Variants in KNDC1 observed in about 807,000 individuals in gnomAD.
KNDC1 encodes the protein kinase non-catalytic C-lobe domain containing 1, also known as kinase non-catalytic C-lobe domain-containing protein 1.
Under a neutral mutation model 172.8 loss-of-function variants are expected in KNDC1, and 106 were observed. The ratio of observed to expected loss-of-function variants is 0.61; its 90% CI spans 0.52 to 0.72. The LOEUF (loss-of-function observed/expected upper bound fraction) is 0.72. KNDC1 is among the 30% of genes least tolerant of loss of function. The probability of loss-of-function intolerance (pLI) is 0.00; values close to 1 mark genes in which losing one functional copy is unlikely to be tolerated. For missense variants in KNDC1, 2,325 were observed against 2,394.5 expected (o/e 0.97, Z 0.61); for synonymous variants, 1,083 against 1,062.2 (o/e 1.02, Z -0.38).
intron 20 of KNDC1, 72 bp from the exon 21 acceptor site, chr10:133,210,539 A>C: frequency 1.1e-6 from 1 of 871,524 alleles, no homozygotes. Context: ...GTCACACCCC[A>C]CCACCGAACA....
chr10:133,223,271 A>ATGTG (rs375654196), intron 29 of KNDC1, among the ~76,000 whole-genome samples: 1 of 21,788 alleles, frequency 4.6e-5, no homozygotes, highest in African/African-American at 1.2e-4. Context: ...TCTTCTCGGC[A>ATGTG]TGTGTGTGTG....
chr10:133,193,641 G>A (rs1049296033), intron 9 of KNDC1, among the ~76,000 whole-genome samples: 13 of 152,198 alleles, frequency 8.5e-5, no homozygotes, highest in African/African-American at 2.7e-4. Context: ...ACAGAGTAAT[G>A]TTTAGAAACA....
rs1854024525 is a variant in KNDC1, at chr10:133,189,679, T to C, written c.1513+10T>C. 1.2e-6 allele frequency: 2 copies of C among 1,613,858 alleles called. No individual in the cohort carries two copies. Among genetic ancestry groups the C allele is most frequent in the Admixed American group, 3.3e-5 (2 of 60,000 alleles). ...CCACCCCCTGCCAACGGTGAGTGTG[T>C]GGGTTCCCCTCAGGCCGAGTCCAGC... is the stretch of plus-strand genomic sequence containing the variant. On this transcript the variant is annotated intron_variant, in intron 8 of 29. Transcript: ENST00000304613.
Position 133,212,900 on chromosome 10 carries a change from G to C in KNDC1, c.4421G>C (p.Ser1474Thr). The C allele has an allele frequency of 6.2e-7, 1 of 1,613,150 alleles. No homozygotes were observed. The highest frequency in any genetic ancestry group is 1.1e-5 in the South Asian group (1 of 91,066). ...LTEYSTHQLF[S>T]QLTLLQQELF... The stretch of plus-strand genomic sequence containing the variant: ...GAGTACAGCACTCACCAGCTCTTCA[G>C]CCAGCTCACGCTGCTACAGCAGGTG... The change falls in exon 24 of 30, where the codon AGC (serine) becomes ACC (threonine). Residue 1474 changes from serine (S) to threonine (T), a missense_variant. Coordinates refer to ENST00000304613, the MANE Select transcript of KNDC1 (RefSeq NM_152643.8).
chr10:133,177,542 T>C (rs1853577294), intron 3 of KNDC1, among the ~76,000 whole-genome samples: 1 of 150,726 alleles, frequency 6.6e-6, no homozygotes, highest in Non-Finnish European at 1.5e-5. Context: ...ATAGTGTGTG[T>C]CATGAGCACG....
chr10:133,184,396 GCA>G (rs1002646850), intron 5 of KNDC1, among the ~76,000 whole-genome samples: 82 of 69,688 alleles, frequency 1.2e-3, no homozygotes, highest in African/African-American at 3.3e-3. Flanking sequence ...GCACACACAC[GCA>G]CACACGCACA....
At chr10:133,175,416 G>C (rs1853505560) in intron 3 of KNDC1, among the ~76,000 whole-genome samples, 2 of 58,638 alleles carry the variant, frequency 3.4e-5, no homozygotes, top group African/African-American at 7.0e-5. Context: ...TGAGTGGGTG[G>C]ATGGGTAGAT....
At position 133,198,692 on chromosome 10, in the gene KNDC1, G is replaced by A. The variant is rs768542989; in HGVS notation, c.2184G>A (p.Thr728=). The A allele has an allele frequency of 7.6e-6, 12 of 1,580,494 alleles. No individual in the cohort carries two copies. Among genetic ancestry groups the A allele is most frequent in the Admixed American group, 7.4e-5 (4 of 54,090 alleles). The change falls in exon 14 of 30, where the codon ACG becomes ACA. Residue 728 remains threonine (T), a synonymous_variant. Transcript: ENST00000304613. The part of the protein sequence containing the change: ...EAHAGSPSLK[T]PDGPVPGPGP... ...ACGCTGGGTCCCCCAGCCTGAAGAC[G>A]CCTGACGGGCCGGTGCCTGGTCCGG...
chr10:133,223,770 C>CGT (rs71016430), intron 29 of KNDC1, among the ~76,000 whole-genome samples: 5 of 5,048 alleles, frequency 9.9e-4, no homozygotes, highest in Admixed American at 3.0e-3. Flanking sequence ...CTCTTCCCGG[C>CGT]GTGTGTGTGT....
chr10:133,186,812 C>T, intron 6 of KNDC1, 138 bp downstream of exon 6: 1 of 673,646 alleles, frequency 1.5e-6, no homozygotes, highest in African/African-American at 1.8e-5. Flanking sequence ...AAGACATTTT[C>T]ATTGAGCTGC....
intron 17 of KNDC1, chr10:133,202,573 G>A (rs1436859654): frequency 8.8e-6 from 4 of 456,016 alleles, no homozygotes; most frequent in Middle Eastern, 3.3e-4. Flanking sequence ...CATCAGCTCC[G>A]GGAACCTCTC....
chr10:133,194,913 C>T (rs374196151), intron 9 of KNDC1, among the ~76,000 whole-genome samples: 2 of 152,344 alleles, frequency 1.3e-5, no homozygotes, highest in African/African-American at 2.4e-5. Context: ...CGATATCAAC[C>T]GCGACCATCT....
intron 3 of KNDC1, among the ~76,000 whole-genome samples, chr10:133,182,981 AC>A (rs1564881719): frequency 1.6e-4 from 22 of 140,514 alleles, no homozygotes; most frequent in Admixed American, 4.2e-4. Context: ...CGGTGTGGGC[AC>A]AGGCGGCGTG....
rs1421378159 is a variant in KNDC1, at chr10:133,206,666, C to T, written c.3388-19C>T. 5.6e-6 allele frequency: 9 copies of T among 1,607,848 alleles called. No individual in the cohort carries two copies. Among genetic ancestry groups the T allele is most frequent in the African/African-American group, 1.3e-5 (1 of 74,800 alleles). On this transcript the variant is annotated intron_variant, in intron 17 of 29. Coordinates refer to ENST00000304613, the MANE Select transcript of KNDC1 (RefSeq NM_152643.8). The stretch of plus-strand genomic sequence containing the variant: ...GTGTTGGGGCTGCCTGGGGCTTAGG[C>T]GCTGTGTTTCGTCCCCAGGAGCTGG...
chr10:133,172,891 C>G (rs941546739), intron 3 of KNDC1, among the ~76,000 whole-genome samples: 1 of 152,130 alleles, frequency 6.6e-6, no homozygotes, highest in African/African-American at 2.4e-5. Context: ...TAGCCCCAGC[C>G]GCTCAGGAGG....
intron 26 of KNDC1, among the ~76,000 whole-genome samples, chr10:133,216,443 C>T (rs553025701): frequency 1.3e-5 from 2 of 151,992 alleles, no homozygotes; most frequent in African/African-American, 4.8e-5. Context: ...TTTGGGAGGC[C>T]GAGGAGGGCA....
Position 133,200,614 on chromosome 10 carries a change from C to A in KNDC1, c.2989+154C>A, listed in dbSNP as rs1310751548. ...CCGGGGGTGCCCAGCCAAAGGCCGCCCTCTCCTGGGGGTGCCCAGCCAAAG... is the reference window on the plus strand; with the variant it reads ...CCGGGGGTGCCCAGCCAAAGGCCGCACTCTCCTGGGGGTGCCCAGCCAAAG... On this transcript the variant is annotated intron_variant, in intron 16 of 29. Coordinates refer to ENST00000304613, the MANE Select transcript of KNDC1 (RefSeq NM_152643.8). Among the ~76,000 whole-genome samples the A allele has an allele frequency of 2.0e-5, 3 of 151,496 alleles. No homozygotes were observed. In the East Asian group the frequency reaches 5.8e-4, roughly 29 times the overall value.
At chr10:133,202,727 G>A (rs1428090801) in intron 17 of KNDC1, 1 of 454,012 alleles carries the variant, frequency 2.2e-6, no homozygotes, top group Admixed American at 2.4e-5. Flanking sequence ...ACATGACCCG[G>A]TGTCCCTTCA....
rs1854290189 is a variant in KNDC1 at position 133,199,129 on chromosome 10, T to C, written c.2621T>C (p.Leu874Pro). 1 of 1,606,040 alleles carries C rather than the reference T, an allele frequency of 6.2e-7. No homozygotes were observed. The highest frequency in any genetic ancestry group is 1.3e-5 in the African/African-American group (1 of 74,916). The change falls in exon 14 of 30, where the codon CTC (leucine) becomes CCC (proline). Residue 874 changes from leucine (L) to proline (P), a missense_variant. Physicochemically the swap from Leu to Pro is moderately conservative, Grantham distance 98. Transcript: ENST00000304613. ...AGGCCGCGGCCCGCAGACCGGAGGC[T>C]CTGTCTGCCCTGCGTGGATGCCTCG... ...PERPRPADRRLCLPCVDASPL... is the reference protein window; with the variant it reads ...PERPRPADRRPCLPCVDASPL...
Sources: allele counts gnomAD v4.1 joint callset (sites outside exome capture counted in the v4.1 genomes callset), GRCh38; gene constraint gnomAD v4.1.1; transcripts MANE v1.5; gene names NCBI Gene and HGNC (gene_info 2026-07-23, HGNC 2026-07-21).